Variants in THSD4 observed in about 807,000 individuals in gnomAD.
THSD4 encodes thrombospondin type-1 domain-containing protein 4.
THSD4 carries 69 observed loss-of-function variants against 119.0 expected under a neutral mutation model. That is an observed-to-expected ratio of 0.58 (90% CI 0.48 to 0.71). The LOEUF (loss-of-function observed/expected upper bound fraction) is 0.71, where lower values mean the gene tolerates loss of function less well. Among genes scored for constraint, THSD4 ranks in the 30% least tolerant of loss-of-function variants. The pLI is 0.00. For synonymous variants in THSD4, 524 were observed against 540.4 expected (o/e 0.97, Z 0.42); for missense variants, 1,393 against 1,391.1 (o/e 1.00, Z -0.02).
intron 7 of THSD4, among the ~76,000 whole-genome samples, chr15:71,623,070 T>C (rs1032746501): frequency 4.6e-5 from 7 of 152,054 alleles, no homozygotes; most frequent in Admixed American, 6.6e-5. Flanking sequence ...CTGAAAAATA[T>C]TGAGCAGAGG....
intron 6 of THSD4, among the ~76,000 whole-genome samples, chr15:71,389,431 T>C (rs1219817455): frequency 6.6e-6 from 1 of 151,872 alleles, no homozygotes; most frequent in African/African-American, 2.4e-5. Context: ...CACCTCAAGG[T>C]TCATCCATGT....
intron 7 of THSD4, among the ~76,000 whole-genome samples, chr15:71,631,650 A>C (rs1039145214): frequency 1.4e-4 from 21 of 152,314 alleles, no homozygotes; most frequent in African/African-American, 4.8e-4. Flanking sequence ...GAGGCCTCAG[A>C]GAAAGAGGCC....
chr15:71,312,811 C>T (rs1470703491), intron 6 of THSD4, among the ~76,000 whole-genome samples: 1 of 152,130 alleles, frequency 6.6e-6, no homozygotes, highest in Non-Finnish European at 1.5e-5. Context: ...TGTTCTGACC[C>T]CCAGATCTTC....
intron 6 of THSD4, chr15:71,341,087 AT>A: frequency 9.3e-7 from 1 of 1,075,202 alleles, no homozygotes; most frequent in Non-Finnish European, 1.4e-6. Context: ...TTTCTTTTCT[AT>A]TGTCTCTTCT....
chr15:71,375,868 TG>T (rs2046129007), intron 6 of THSD4, among the ~76,000 whole-genome samples: 1 of 152,168 alleles, frequency 6.6e-6, no homozygotes, highest in South Asian at 2.1e-4. Flanking sequence ...CCTGGCAATC[TG>T]GGTTTTAATA....
At chr15:71,226,626 C>A (rs948825628) in intron 4 of THSD4, among the ~76,000 whole-genome samples, 1 of 152,180 alleles carries the variant, frequency 6.6e-6, no homozygotes, top group East Asian at 1.9e-4. Flanking sequence ...TTCCTGGGGG[C>A]CCCTAGAGCT....
chr15:71,672,780 C>T (rs1204999729), intron 8 of THSD4, among the ~76,000 whole-genome samples: 4 of 151,936 alleles, frequency 2.6e-5, no homozygotes, highest in East Asian at 1.9e-4. Context: ...GTTTATGTGA[C>T]GGATTATGTT....
chr15:71,612,337 G>A (rs1305027571), intron 7 of THSD4, among the ~76,000 whole-genome samples: 1 of 152,220 alleles, frequency 6.6e-6, no homozygotes, highest in African/African-American at 2.4e-5. Context: ...ATTGAGGCCA[G>A]ATTTCTTCTG....
At chr15:71,522,417 C>G (rs1021233527) in intron 7 of THSD4, among the ~76,000 whole-genome samples, 4 of 152,132 alleles carry the variant, frequency 2.6e-5, no homozygotes, top group African/African-American at 9.7e-5. Flanking sequence ...CAGTTGTGGA[C>G]AGATCATAGA....
At chr15:71,361,318 C>T (rs1235486439) in intron 6 of THSD4, among the ~76,000 whole-genome samples, 1 of 152,082 alleles carries the variant, frequency 6.6e-6, no homozygotes, top group Non-Finnish European at 1.5e-5. Context: ...TAAAGTGCTA[C>T]CTCCCAAAAA....
intron 6 of THSD4, among the ~76,000 whole-genome samples, chr15:71,326,689 AAAAAAAAAAAAAT>A (rs1444624697): frequency 1.2e-3 from 62 of 53,410 alleles, no homozygotes; most frequent in Middle Eastern, 6.3e-3. Context: ...AAAAAAAAAA[AAAAAAAAAAAAAT>A]ATATATATAT....
chr15:71,102,885 T>A (rs902242309), intron 1 of THSD4, among the ~76,000 whole-genome samples: 1 of 152,212 alleles, frequency 6.6e-6, no homozygotes, highest in Admixed American at 6.5e-5. Context: ...ATCTTCTTTT[T>A]TCCCCCCTGA....
chr15:71,378,812 C>G (rs2046185971), intron 6 of THSD4, among the ~76,000 whole-genome samples: 1 of 152,152 alleles, frequency 6.6e-6, no homozygotes, highest in Admixed American at 6.5e-5. Flanking sequence ...GAGGCAGGGT[C>G]TCACTCTGTT....
Position 71,218,246 on chromosome 15 carries a change from G to A in THSD4, c.464+2847G>A, listed in dbSNP as rs548125877. Among the ~76,000 whole-genome samples the A allele has an allele frequency of 4.6e-5, 7 of 152,330 alleles. No homozygotes were observed. The East Asian group carries it at 1.4e-3, about 29-fold the overall frequency. The stretch of plus-strand genomic sequence containing the variant: ...CACCTGAGGAATCAGAGGACCTAGA[G>A]CCAGTGGACAAGCTGAGTTTTGAAG... On this transcript the variant is annotated intron_variant, in intron 4 of 17. Coordinates refer to ENST00000261862, the MANE Select transcript of THSD4 (RefSeq NM_024817.3).
chr15:71,711,968 GTCT>G (rs2052526295), intron 8 of THSD4, among the ~76,000 whole-genome samples: 2 of 152,110 alleles, frequency 1.3e-5, no homozygotes, highest in African/African-American at 2.4e-5. Context: ...GGACACTTTA[GTCT>G]TCTTCTTAAA....
intron 8 of THSD4, among the ~76,000 whole-genome samples, chr15:71,707,215 C>T (rs1480048970): frequency 6.6e-6 from 1 of 152,100 alleles, no homozygotes; most frequent in African/African-American, 2.4e-5. Context: ...GTCAAAAAGG[C>T]ATCAAGGATG....
At chr15:71,647,911 G>A (rs2051002993) in intron 7 of THSD4, among the ~76,000 whole-genome samples, 1 of 152,172 alleles carries the variant, frequency 6.6e-6, no homozygotes, top group Non-Finnish European at 1.5e-5. Flanking sequence ...CCTCGGATTG[G>A]GAGTAAAGCC....
At chr15:71,593,848 G>A (rs1174100892) in intron 7 of THSD4, among the ~76,000 whole-genome samples, 13 of 151,978 alleles carry the variant, frequency 8.6e-5, no homozygotes. Context: ...AGACTGCAGT[G>A]AGCCATGATT....
At chr15:71,169,949 G>A (rs1401759080) in intron 3 of THSD4, among the ~76,000 whole-genome samples, 1 of 152,164 alleles carries the variant, frequency 6.6e-6, no homozygotes, top group Non-Finnish European at 1.5e-5. Context: ...CAAGGCAGGC[G>A]GATCACCTGA....
Sources: gnomAD v4.1 joint callset for allele counts (sites outside exome capture counted in the v4.1 genomes callset) on GRCh38, gnomAD v4.1.1 for gene constraint, MANE v1.5 for transcripts, NCBI Gene and HGNC (gene_info 2026-07-23, HGNC 2026-07-21) for gene names.